SPTBN4: variants seen among roughly 807,000 people sequenced by gnomAD.
SPTBN4 encodes spectrin beta, non-erythrocytic 4, also known as spectrin beta chain, non-erythrocytic 4.
Under a neutral mutation model 277.8 loss-of-function variants are expected in SPTBN4, and 96 were observed. The ratio of observed to expected loss-of-function variants is 0.35; its 90% CI spans 0.29 to 0.41. The LOEUF is 0.41. Among genes scored for constraint, SPTBN4 ranks in the 10% least tolerant of loss-of-function variants. The probability of loss-of-function intolerance (pLI) is 1.00; values close to 1 mark genes in which losing one functional copy is unlikely to be tolerated. For synonymous variants in SPTBN4, 1,481 were observed against 1,580.3 expected, an observed-to-expected ratio of 0.94 and a Z score of 1.49; for missense variants, 3,006 against 3,595.7, an observed-to-expected ratio of 0.84 and a Z score of 4.19.
chr19:40,467,193 G>T lies in SPTBN4; in HGVS notation c.-128G>T. 1 of 149,946 alleles carries T rather than the reference G, an allele frequency of 6.7e-6. No individual in the cohort carries two copies. The highest frequency in any genetic ancestry group is 1.8e-4 in the South Asian group (1 of 5,642). The allele number at this position is 149,946 out of a possible 1,614,324, so 9.3% of individuals were successfully genotyped here. A position where few individuals can be genotyped will look rare whatever the true frequency, so the allele number is the denominator to read the frequency against. On this transcript the variant is annotated 5_prime_UTR_variant, in exon 1 of 36. Transcript: ENST00000598249. ...GGCTGAGCCGCGGGCCGGCGGGGCCGAGCTGAGCCGGGCTGGGCCGGGCCG... is the reference window on the plus strand; with the variant it reads ...GGCTGAGCCGCGGGCCGGCGGGGCCTAGCTGAGCCGGGCTGGGCCGGGCCG...
chr19:40,497,273 A>G (rs2080210181), intron 6 of SPTBN4, among the ~76,000 whole-genome samples: 1 of 152,080 alleles, frequency 6.6e-6, no homozygotes, highest in Admixed American at 6.6e-5. Context: ...ATGCACATGC[A>G]CACACACATT....
At chr19:40,517,305 C>G (rs1392698944) in intron 15 of SPTBN4, among the ~76,000 whole-genome samples, 4 of 144,400 alleles carry the variant, frequency 2.8e-5, no homozygotes, top group African/African-American at 1.0e-4. Flanking sequence ...TTTTTTCTTT[C>G]TTGAGACAGG....
intron 27 of SPTBN4, 54 bp from the exon 28 acceptor site, chr19:40,565,369 G>A (rs1665241439): frequency 1.3e-6 from 2 of 1,575,046 alleles, no homozygotes; most frequent in African/African-American, 2.7e-5. Flanking sequence ...ACATGTATGG[G>A]GCAGGCTGAG....
At chr19:40,479,978 G>A (rs757752025) in intron 2 of SPTBN4, among the ~76,000 whole-genome samples, 12 of 151,786 alleles carry the variant, frequency 7.9e-5, no homozygotes, top group African/African-American at 2.4e-4. Flanking sequence ...GGGGCCAGGC[G>A]TGGTGGCTCA....
intron 5 of SPTBN4, 91 bp from the exon 6 acceptor site, chr19:40,494,806 C>T: frequency 9.1e-7 from 1 of 1,103,456 alleles, no homozygotes; most frequent in Non-Finnish European, 1.3e-6. Context: ...CATCTTCCTT[C>T]CCTATCATTC....
intron 25 of SPTBN4, among the ~76,000 whole-genome samples, chr19:40,556,719 A>T (rs563529466): frequency 3.9e-4 from 59 of 152,200 alleles, no homozygotes; most frequent in Middle Eastern, 6.8e-3. Context: ...TGAGGTCAGG[A>T]GTATGAGACC....
intron 27 of SPTBN4, among the ~76,000 whole-genome samples, chr19:40,563,634 C>T (rs888353475): frequency 1.7e-5 from 2 of 117,586 alleles, no homozygotes; most frequent in Non-Finnish European, 1.8e-5. Flanking sequence ...GTGATCCGCC[C>T]GCCTCAGCCT....
rs1312731207 is a variant in SPTBN4, at chr19:40,512,773, G to T, written c.1984G>T (p.Asp662Tyr). ...GGAGGAGGCCGAGAGCTGGGCGCGC[G>T]ACAAGGAGCGTCTCCTGGAGGCTGC... ...ELEEAESWARDKERLLEAAGG... is the reference protein window; with the variant it reads ...ELEEAESWARYKERLLEAAGG... The change falls in exon 14 of 36, where the codon GAC becomes TAC. Residue 662 changes from aspartate to tyrosine, a missense_variant. Physicochemically the swap from Asp to Tyr is radical, Grantham distance 160 (BLOSUM62 -3). Around this residue, in one of 5 missense-constraint regions of SPTBN4, gnomAD observed 1,759 missense variants for 2,061.5 expected, o/e 0.85. Coordinates refer to ENST00000598249, the MANE Select transcript of SPTBN4 (RefSeq NM_020971.3). 1 of 1,505,786 alleles carries T rather than the reference G, an allele frequency of 6.6e-7. No individual in the cohort carries two copies. The highest frequency in any genetic ancestry group is 2.1e-5 in the Admixed American group (1 of 46,750). 93.3% of individuals were successfully genotyped at this position (1,505,786 alleles called of 1,614,324 possible).
chr19:40,520,122 C>T lies in SPTBN4; in HGVS notation c.3625C>T (p.Arg1209Cys). 6.9e-7 allele frequency: 1 copy of T among 1,458,278 alleles called. No homozygotes were observed. Among genetic ancestry groups the T allele is most frequent in the Non-Finnish European group, 9.0e-7 (1 of 1,106,436 alleles). 90.3% of individuals were successfully genotyped at this position (1,458,278 alleles called of 1,614,324 possible). ...CTACCAGCTCTTCCTGCGGGATCTA[C>T]GCCAGGCGCTCGTGGTGCTGCGTAA... ...HIYQLFLRDL[R>C]QALVVLRNQE... Residue 1209 changes from arginine to cysteine, a missense_variant, in exon 16 of 36, where the codon CGC becomes TGC. Arg to Cys is a radical substitution (Grantham distance 180). Coordinates refer to ENST00000598249, the MANE Select transcript of SPTBN4 (RefSeq NM_020971.3).
At chr19:40,474,873 C>A (rs547196742) in intron 2 of SPTBN4, among the ~76,000 whole-genome samples, 2 of 151,992 alleles carry the variant, frequency 1.3e-5, no homozygotes, top group African/African-American at 4.8e-5. Flanking sequence ...TCCTAAGTGA[C>A]AAGAGCTTAA....
Position 40,502,162 on chromosome 19 carries a change from T to C in SPTBN4, c.932T>C (p.Ile311Thr), listed in dbSNP as rs1345260085. The change falls in exon 9 of 36, where the codon ATA becomes ACA. Residue 311 changes from isoleucine (I) to threonine (T), a missense_variant. Around this residue, in one of 5 missense-constraint regions of SPTBN4, gnomAD observed 1,759 missense variants for 2,061.5 expected, o/e 0.85. Coordinates refer to ENST00000598249, the MANE Select transcript of SPTBN4 (RefSeq NM_020971.3). The surrounding 1 kb of genome is among the most constrained non-coding windows in gnomAD (Gnocchi z 4.9). Reference sequence around the variant, plus strand: ...CAGGTATTGGAGGTGGGGAAGATCATAGAACGCTACGAGGAGCTGGCGGCT... The same window carrying C: ...CAGGTATTGGAGGTGGGGAAGATCACAGAACGCTACGAGGAGCTGGCGGCT... ...LDQVLEVGKI[I>T]ERYEELAAEL... 3.7e-6 allele frequency: 6 copies of C among 1,614,022 alleles called. No homozygotes were observed. Among genetic ancestry groups the C allele is most frequent in the East Asian group, 2.2e-5 (1 of 44,884 alleles).
chr19:40,521,140 G>T lies in SPTBN4; in HGVS notation c.3654+989G>T, dbSNP rs552934549. 1.1e-4 allele frequency among the ~76,000 whole-genome samples: 17 copies of T among 152,182 alleles called. No homozygotes were observed. The East Asian group carries it at 3.3e-3, about 29-fold the overall frequency. On this transcript the variant is annotated intron_variant, in intron 16 of 35. Transcript: ENST00000598249. Reference sequence around the variant, plus strand: ...GGGTTTCACCATGTTGGCCAGGATGGTTTTGATCTCTTGACCTCATGATCC... The same window carrying T: ...GGGTTTCACCATGTTGGCCAGGATGTTTTTGATCTCTTGACCTCATGATCC...
At chr19:40,469,273 T>A (rs1478976071) in intron 1 of SPTBN4, among the ~76,000 whole-genome samples, 2 of 152,010 alleles carry the variant, frequency 1.3e-5, no homozygotes, top group Non-Finnish European at 2.9e-5. Context: ...TTTTTTTTCC[T>A]TTTTCTTTTG....
chr19:40,573,033 G>A (rs953276128), intron 35 of SPTBN4, among the ~76,000 whole-genome samples: 3 of 152,176 alleles, frequency 2.0e-5, no homozygotes, highest in African/African-American at 7.2e-5. Flanking sequence ...TTCAGGTTGG[G>A]CACCATGGCT....
intron 32 of SPTBN4, among the ~76,000 whole-genome samples, chr19:40,569,975 GACAC>G (rs1224465456): frequency 8.3e-5 from 4 of 48,352 alleles, no homozygotes; most frequent in Non-Finnish European, 2.0e-4. Flanking sequence ...CACACACACA[GACAC>G]ACACACACAG....
intron 20 of SPTBN4, among the ~76,000 whole-genome samples, chr19:40,540,949 C>T (rs1479652477): frequency 6.6e-6 from 1 of 151,952 alleles, no homozygotes; most frequent in Non-Finnish European, 1.5e-5. Context: ...CCTTCTGTGG[C>T]TGCTCACTCT....
intron 32 of SPTBN4, 29 bp from the exon 33 acceptor site, chr19:40,570,407 G>A (rs751522061): frequency 1.3e-6 from 2 of 1,522,986 alleles, no homozygotes; most frequent in East Asian, 2.6e-5. Context: ...TCCATGGACA[G>A]CACCCCTCTT....
At position 40,502,978 on chromosome 19, in the gene SPTBN4, G is replaced by A. The variant is rs371451301; in HGVS notation, c.1362+45G>A. 24 of 1,594,822 alleles carry A rather than the reference G, an allele frequency of 1.5e-5. No individual in the cohort carries two copies. The highest frequency in any genetic ancestry group is 1.8e-4 in the Middle Eastern group (1 of 5,594). The stretch of plus-strand genomic sequence containing the variant: ...GCTCCAGGGTAAAGGGACGGAGGGC[G>A]GGGCTGATGGTCCTGGGACCAGAGA... On this transcript the variant is annotated intron_variant, in intron 11 of 35. Transcript: ENST00000598249. This position sits in a 1 kb window ranked among gnomAD's most constrained non-coding sequence, Gnocchi z 4.9.
At chr19:40,545,586 T>C (rs915868795) in intron 20 of SPTBN4, among the ~76,000 whole-genome samples, 1 of 152,128 alleles carries the variant, frequency 6.6e-6, no homozygotes, top group Non-Finnish European at 1.5e-5. Flanking sequence ...TATAAGTCTT[T>C]TACATTTTTG....
Sources: gnomAD v4.1 joint callset for allele counts (sites outside exome capture counted in the v4.1 genomes callset) on GRCh38, gnomAD v4.1.1 for gene constraint, gnomAD v4.1.1 regional missense constraint, Gnocchi (gnomAD v3.1) non-coding constraint, MANE v1.5 for transcripts, NCBI Gene and HGNC (gene_info 2026-07-23, HGNC 2026-07-21) for gene names.